SYT16: variants seen among roughly 807,000 people sequenced by gnomAD.
The protein encoded by SYT16 is synaptotagmin 16.
In SYT16, 42 loss-of-function variants were observed where a neutral mutation model predicts 61.4. That is an observed-to-expected ratio of 0.68 (90% CI 0.53 to 0.89). The LOEUF is 0.89. Ranked by LOEUF, SYT16 falls within the 40% of genes least tolerant of loss-of-function variation. SYT16 has a pLI of 0.00. For synonymous variants in SYT16, 314 were observed against 302.3 expected, an observed-to-expected ratio of 1.04 and a Z score of -0.40; for missense variants, 804 against 807.3, an observed-to-expected ratio of 1.00 and a Z score of 0.05.
In SYT16 at chr14:61,831,941, C is replaced by T. The variant is rs143392958; in HGVS notation, c.-325+19131C>T. ...GGGTTCACCTCATGTCCAGCATCCT[C>T]TTGGTCTGCATGGGCACCCACTCTT... On this transcript the variant is annotated intron_variant, in intron 1 of 7. Transcript: ENST00000683842. The T allele has an allele frequency of 7.3e-4, 401 of 546,292 alleles. 4 individuals are homozygous for T. The highest frequency in any genetic ancestry group is 6.0e-4 in the Middle Eastern group (2 of 3,338). 33.8% of individuals were successfully genotyped at this position (546,292 alleles called of 1,614,324 possible).
At chr14:61,847,716 G>T (rs1208330847) in intron 1 of SYT16, among the ~76,000 whole-genome samples, 3 of 151,948 alleles carry the variant, frequency 2.0e-5, no homozygotes, top group Non-Finnish European at 4.4e-5. Context: ...CTATTTTCTA[G>T]ATATTTTAGA....
At chr14:61,960,728 C>T (rs184661414) in intron 1 of SYT16, among the ~76,000 whole-genome samples, 20 of 152,190 alleles carry the variant, frequency 1.3e-4, no homozygotes, top group South Asian at 8.3e-4. Context: ...CCATGACTGC[C>T]GTACTATGTT....
Position 61,957,351 on chromosome 14 carries a change from T to G in SYT16, c.-324-12781T>G, listed in dbSNP as rs1444949083. ...TCTGGTTAGGACTTTCAGGACTATA[T>G]TGGAGCTCATAGTATGGTCATCCTT... is the stretch of plus-strand genomic sequence containing the variant. On this transcript the variant is annotated intron_variant, in intron 1 of 7. Coordinates refer to ENST00000683842, the MANE Select transcript of SYT16 (RefSeq NM_001367656.1). Among the ~76,000 whole-genome samples, 40 of 151,958 alleles carry G rather than the reference T, an allele frequency of 2.6e-4. 2 individuals carry two copies.
intron 1 of SYT16, among the ~76,000 whole-genome samples, chr14:61,920,775 G>A (rs529851778): frequency 7.9e-5 from 12 of 152,184 alleles, no homozygotes; most frequent in African/African-American, 2.6e-4. Context: ...TCAGACTCTC[G>A]TTTAAGCTTT....
chr14:62,076,114 T>C (rs1238979982), intron 5 of SYT16, among the ~76,000 whole-genome samples: 2 of 152,220 alleles, frequency 1.3e-5, no homozygotes, highest in Admixed American at 1.3e-4. Flanking sequence ...CTACCATTTA[T>C]TGAGCAGTTA....
chr14:61,817,025 AC>A (rs773587030), intron 1 of SYT16, among the ~76,000 whole-genome samples: 41,323 of 149,414 alleles, frequency 0.28, 6,734 homozygotes, highest in African/African-American at 0.4. Flanking sequence ...ACACACACAC[AC>A]ACAAAAAAAG....
intron 3 of SYT16, among the ~76,000 whole-genome samples, chr14:62,012,047 A>G (rs1322717994): frequency 6.6e-6 from 1 of 151,250 alleles, no homozygotes; most frequent in African/African-American, 2.4e-5. Context: ...TAGTGTAACC[A>G]TATAGGATCT....
intron 3 of SYT16, among the ~76,000 whole-genome samples, chr14:62,042,332 G>A (rs1230823275): frequency 2.0e-5 from 3 of 152,088 alleles, no homozygotes; most frequent in African/African-American, 7.2e-5. Context: ...ATCACACATT[G>A]TGAATTTTAC....
chr14:61,990,949 G>C (rs548607782), intron 2 of SYT16, among the ~76,000 whole-genome samples: 8 of 152,000 alleles, frequency 5.3e-5, no homozygotes, highest in Non-Finnish European at 7.4e-5. Flanking sequence ...CATTTCCTAT[G>C]TACAAAATGA....
At chr14:61,932,254 C>A (rs1229770547) in intron 1 of SYT16, among the ~76,000 whole-genome samples, 1 of 152,208 alleles carries the variant, frequency 6.6e-6, no homozygotes, top group Admixed American at 6.5e-5. Flanking sequence ...ATGCTGGAAA[C>A]CAAGGGTGGA....
intron 1 of SYT16, among the ~76,000 whole-genome samples, chr14:61,929,131 A>C (rs1216438801): frequency 6.6e-6 from 1 of 152,188 alleles, no homozygotes; most frequent in Non-Finnish European, 1.5e-5. Context: ...TTACTAGTAA[A>C]GACAGTTCAG....
intron 1 of SYT16, among the ~76,000 whole-genome samples, chr14:61,934,881 T>G (rs2049915704): frequency 6.6e-6 from 1 of 152,218 alleles, no homozygotes; most frequent in African/African-American, 2.4e-5. Context: ...CTTCCCAGAG[T>G]TTAAAACTTT....
At chr14:61,849,593 A>T (rs921629355) in intron 1 of SYT16, among the ~76,000 whole-genome samples, 4 of 152,072 alleles carry the variant, frequency 2.6e-5, no homozygotes, top group Non-Finnish European at 5.9e-5. Context: ...TTCTGCTGTG[A>T]TAGGGCAGCA....
At chr14:61,885,459 G>A (rs866712598) in intron 1 of SYT16, among the ~76,000 whole-genome samples, 3 of 152,240 alleles carry the variant, frequency 2.0e-5, no homozygotes, top group African/African-American at 4.8e-5. Flanking sequence ...GGCATTCAGG[G>A]AACACTGAAG....
chr14:62,013,225 G>A (rs1479292332), intron 3 of SYT16, among the ~76,000 whole-genome samples: 1 of 152,140 alleles, frequency 6.6e-6, no homozygotes, highest in African/African-American at 2.4e-5. Flanking sequence ...AGCTTGTTCA[G>A]TGTCACTATA....
intron 3 of SYT16, among the ~76,000 whole-genome samples, chr14:62,011,644 A>G (rs1177965883): frequency 6.6e-6 from 1 of 152,070 alleles, no homozygotes; most frequent in Non-Finnish European, 1.5e-5. Context: ...CCAGAAGTGG[A>G]AAGAATAGAT....
intron 7 of SYT16, among the ~76,000 whole-genome samples, chr14:62,099,536 G>A (rs774442759): frequency 2.0e-5 from 3 of 152,148 alleles, no homozygotes; most frequent in Non-Finnish European, 4.4e-5. Flanking sequence ...CATATTGAAT[G>A]TAAGATTAGT....
At chr14:61,981,747 G>A (rs144743401) in intron 2 of SYT16, among the ~76,000 whole-genome samples, 1 of 152,194 alleles carries the variant, frequency 6.6e-6, no homozygotes, top group Non-Finnish European at 1.5e-5. Context: ...GTTCGAGGTT[G>A]GGAGGGAACT....
At chr14:62,093,341 A>G (rs979797655) in intron 7 of SYT16, among the ~76,000 whole-genome samples, 3 of 152,112 alleles carry the variant, frequency 2.0e-5, no homozygotes, top group Non-Finnish European at 4.4e-5. Context: ...TGTGATAAAT[A>G]GAAAGCACAA....
Sources: allele counts gnomAD v4.1 joint callset (sites outside exome capture counted in the v4.1 genomes callset), GRCh38; gene constraint gnomAD v4.1.1; transcripts MANE v1.5; gene names NCBI Gene and HGNC (gene_info 2026-07-23, HGNC 2026-07-21).